PTPRJ: variants seen among roughly 807,000 people sequenced by gnomAD.
PTPRJ encodes the protein receptor-type tyrosine-protein phosphatase eta.
Under a neutral mutation model 141.3 loss-of-function variants are expected in PTPRJ, and 129 were observed. The ratio of observed to expected loss-of-function variants is 0.91; its 90% CI spans 0.79 to 1.06. The LOEUF is 1.06. PTPRJ is among the 50% of genes least tolerant of loss of function. PTPRJ has a pLI of 0.00. For missense variants in PTPRJ, 1,601 were observed against 1,679.7 expected (o/e 0.95, Z 0.82); for synonymous variants, 610 against 640.5 (o/e 0.95, Z 0.72).
intron 1 of PTPRJ, among the ~76,000 whole-genome samples, chr11:48,062,854 A>G (rs1854976262): frequency 6.6e-6 from 1 of 152,186 alleles, no homozygotes; most frequent in South Asian, 2.1e-4. Flanking sequence ...GTTCCTGGGC[A>G]GGTTATCTTT....
At chr11:48,027,791 CAAAAAAAAAAAAAAAAA>C (rs750153282) in intron 1 of PTPRJ, among the ~76,000 whole-genome samples, 5 of 32,902 alleles carry the variant, frequency 1.5e-4, no homozygotes, top group Non-Finnish European at 2.8e-4. Context: ...ACTCTGTCTC[CAAAAAAAAAAAAAAAAA>C]AAAAAAAAAA....
intron 24 of PTPRJ, among the ~76,000 whole-genome samples, 169 bp downstream of exon 24, chr11:48,164,684 T>A (rs534956137): frequency 1.8e-4 from 27 of 150,034 alleles, no homozygotes; most frequent in African/African-American, 5.1e-4. Flanking sequence ...CTCCTGCCTC[T>A]GCCTCCCAAG....
At chr11:48,053,253 ATATATAATATAT>A (rs1447173140) in intron 1 of PTPRJ, among the ~76,000 whole-genome samples, 285 of 83,364 alleles carry the variant, frequency 3.4e-3, no homozygotes, top group African/African-American at 0.016. Flanking sequence ...TTTATATAAT[ATATATAATATAT>A]TATATAAATA....
chr11:48,124,856 C>T, intron 5 of PTPRJ, 112 bp from the exon 6 acceptor site: 3 of 972,302 alleles, frequency 3.1e-6, no homozygotes, highest in Non-Finnish European at 4.8e-6. Flanking sequence ...TGATGGAGCA[C>T]CAACTGTGGC....
At chr11:48,020,884 T>A (rs1429710024) in intron 1 of PTPRJ, among the ~76,000 whole-genome samples, 1 of 152,176 alleles carries the variant, frequency 6.6e-6, no homozygotes, top group Non-Finnish European at 1.5e-5. Flanking sequence ...GTATCTGACT[T>A]TATTTTGAGG....
At chr11:48,125,240 T>C in intron 6 of PTPRJ, 54 bp downstream of exon 6, 2 of 1,564,894 alleles carry the variant, frequency 1.3e-6, no homozygotes, top group South Asian at 2.2e-5. Flanking sequence ...CACAATGTTC[T>C]GTCTCCTGTG....
intron 1 of PTPRJ, among the ~76,000 whole-genome samples, chr11:48,067,374 C>T (rs1165827028): frequency 6.6e-6 from 1 of 152,188 alleles, no homozygotes; most frequent in Non-Finnish European, 1.5e-5. Flanking sequence ...GACTTGCTTG[C>T]ACTTTCAAAG....
In PTPRJ at chr11:48,071,725, C is replaced by T. The variant is rs183998511; in HGVS notation, c.97-38333C>T. On this transcript the variant is annotated intron_variant, in intron 1 of 24. Coordinates refer to ENST00000418331, the MANE Select transcript of PTPRJ (RefSeq NM_002843.4). The stretch of plus-strand genomic sequence containing the variant: ...CCGGGTTCAAGCAATTCTCCTGCCT[C>T]AGCCTCTCCAGTAGCTGGGACTACA... Among the ~76,000 whole-genome samples, 92 of 149,398 alleles carry T rather than the reference C, an allele frequency of 6.2e-4. No individual in the cohort carries two copies. The East Asian group carries it at 0.017, about 27-fold the overall frequency.
intron 1 of PTPRJ, among the ~76,000 whole-genome samples, chr11:48,052,860 G>A (rs1224094026): frequency 4.6e-5 from 7 of 151,682 alleles, no homozygotes; most frequent in African/African-American, 7.3e-5. Flanking sequence ...CTGAGCAGCT[G>A]TGCCCTCTCC....
chr11:48,126,817 C>CACAT (rs1252731987), intron 6 of PTPRJ, among the ~76,000 whole-genome samples: 3,866 of 146,574 alleles, frequency 0.026, 61 homozygotes, highest in East Asian at 0.052. Context: ...CACACACACA[C>CACAT]ACAGATAAAC....
chr11:48,017,070 A>G (rs762535283), intron 1 of PTPRJ, among the ~76,000 whole-genome samples: 3 of 151,752 alleles, frequency 2.0e-5, no homozygotes, highest in Admixed American at 1.3e-4. Context: ...GTATTTTCCC[A>G]TTTTTACAAG....
At chr11:48,067,568 C>G (rs955106352) in intron 1 of PTPRJ, among the ~76,000 whole-genome samples, 1 of 152,160 alleles carries the variant, frequency 6.6e-6, no homozygotes. Flanking sequence ...TTTTCTTTCC[C>G]CCTGGATTTG....
At chr11:48,143,113 G>C in intron 12 of PTPRJ, 63 bp downstream of exon 12, 1 of 1,592,126 alleles carries the variant, frequency 6.3e-7, no homozygotes, top group Non-Finnish European at 8.6e-7. Context: ...AGCTTTCTCT[G>C]TGCCCACTGA....
chr11:48,007,419 C>G (rs1034484744), intron 1 of PTPRJ, among the ~76,000 whole-genome samples: 12 of 150,460 alleles, frequency 8.0e-5, no homozygotes, highest in African/African-American at 1.2e-4. Flanking sequence ...AGGCCTTTTT[C>G]TTTTCTTTTT....
intron 7 of PTPRJ, among the ~76,000 whole-genome samples, chr11:48,129,164 T>G (rs1856911213): frequency 6.6e-6 from 1 of 152,222 alleles, no homozygotes; most frequent in Non-Finnish European, 1.5e-5. Context: ...AAGGGATTTA[T>G]CCTGGGAATT....
intron 1 of PTPRJ, among the ~76,000 whole-genome samples, chr11:48,052,708 C>A (rs1297018663): frequency 6.6e-6 from 1 of 152,072 alleles, no homozygotes; most frequent in Non-Finnish European, 1.5e-5. Flanking sequence ...GGGGGAGTGT[C>A]AAGCTTATTT....
At chr11:48,095,282 A>C (rs1855974530) in intron 1 of PTPRJ, among the ~76,000 whole-genome samples, 1 of 152,250 alleles carries the variant, frequency 6.6e-6, no homozygotes, top group Non-Finnish European at 1.5e-5. Context: ...GATGGCAAAG[A>C]AAGATGGACT....
In PTPRJ at chr11:48,170,223, A is replaced by G. The variant is rs1858022272; in HGVS notation, c.*2861A>G. On this transcript the variant is annotated 3_prime_UTR_variant, in exon 25 of 25. Coordinates refer to ENST00000418331, the MANE Select transcript of PTPRJ (RefSeq NM_002843.4). ...GACTGGTGGCCAGCTGGTTTGGGGG[A>G]TTTGGGCCATTGATAGCATCTCCCA... 1 of 151,846 alleles carries G rather than the reference A, an allele frequency of 6.6e-6. No homozygotes were observed. Among genetic ancestry groups the G allele is most frequent in the South Asian group, 2.1e-4 (1 of 4,792 alleles). The allele number at this position is 151,846 out of a possible 1,614,324, so 9.4% of individuals were successfully genotyped here. A position where few individuals can be genotyped will look rare whatever the true frequency, so the allele number is the denominator to read the frequency against.
At chr11:48,023,079 G>A (rs922959) in intron 1 of PTPRJ, among the ~76,000 whole-genome samples, 2,500 of 152,262 alleles carry the variant, frequency 0.016, 67 homozygotes, top group African/African-American at 0.057. Context: ...AAATGGCTTC[G>A]TGTTATAAAG....
Sources: gnomAD v4.1 joint callset for allele counts (sites outside exome capture counted in the v4.1 genomes callset) on GRCh38, gnomAD v4.1.1 for gene constraint, MANE v1.5 for transcripts, NCBI Gene and HGNC (gene_info 2026-07-23, HGNC 2026-07-21) for gene names.